The following MSR1 variants were observed in gnomAD, a reference collection of about 807,000 sequenced individuals.
The protein encoded by MSR1 is macrophage scavenger receptor types I and II.
A neutral mutation model predicts 47.2 loss-of-function variants in MSR1; 53 were observed. The ratio of observed to expected loss-of-function variants is 1.12; its 90% CI spans 0.90 to 1.41. MSR1 has a LOEUF of 1.41. MSR1 is among the 40% of genes most tolerant of loss of function. MSR1 has a pLI of 0.00. For synonymous variants in MSR1, 239 were observed against 185.6 expected, an observed-to-expected ratio of 1.29 and a Z score of -2.34; for missense variants, 786 against 546.9, an observed-to-expected ratio of 1.44 and a Z score of -4.36.
intron 8 of MSR1, among the ~76,000 whole-genome samples, chr8:16,132,286 G>T (rs904075822): frequency 2.0e-5 from 3 of 151,912 alleles, no homozygotes; most frequent in Non-Finnish European, 4.4e-5. Context: ...TTGGCTCTCA[G>T]CTTGACTGTT....
At chr8:16,113,111 A>G in intron 9 of MSR1, among the ~76,000 whole-genome samples, 1 of 151,248 alleles carries the variant, frequency 6.6e-6, no homozygotes. Context: ...CACCACGCCC[A>G]GTTAATTTTT....
chr8:16,178,819 T>C (rs967216206), intron 1 of MSR1, among the ~76,000 whole-genome samples: 5 of 152,164 alleles, frequency 3.3e-5, no homozygotes, highest in Admixed American at 1.3e-4. Context: ...AGATGGTATC[T>C]CATTGTGGTT....
Position 16,155,129 on chromosome 8 carries a change from G to C in MSR1, c.833C>G (p.Pro278Arg), listed in dbSNP as rs764485699. 2.5e-6 allele frequency: 4 copies of C among 1,610,980 alleles called. No homozygotes were observed. The African/African-American group carries it at 5.3e-5, about 22-fold the overall frequency. ...ITLIQGPPGP[P>R]GEKGDRGPTG... ...GGGACCTCGATCTCCTTTTTCACCC[G>C]GGGGTCCAGGAGGACCTTTAAAAAA... is the stretch of plus-strand genomic sequence containing the variant. Residue 278 changes from proline (P) to arginine (R), a missense_variant, in exon 6 of 10, where the codon CCG (proline) becomes CGG (arginine). Pro to Arg is a moderately radical substitution (Grantham distance 103). Transcript: ENST00000262101.
At chr8:16,114,872 G>A (rs1317509727) in intron 9 of MSR1, among the ~76,000 whole-genome samples, 2 of 152,140 alleles carry the variant, frequency 1.3e-5, no homozygotes, top group East Asian at 1.9e-4. Context: ...ATTATAAAAA[G>A]AGGGTTCATT....
At chr8:16,167,759 A>G (rs1336649388) in intron 4 of MSR1, among the ~76,000 whole-genome samples, 2 of 152,176 alleles carry the variant, frequency 1.3e-5, no homozygotes, top group Admixed American at 6.6e-5. Flanking sequence ...TATCCTGATA[A>G]CTAACATTTT....
At chr8:16,163,853 C>G (rs568235545) in intron 5 of MSR1, among the ~76,000 whole-genome samples, 2 of 151,876 alleles carry the variant, frequency 1.3e-5, no homozygotes, top group Admixed American at 6.6e-5. Flanking sequence ...ATATATTTTG[C>G]TTTTCCCTTT....
chr8:16,140,475 T>C (rs978109520), intron 8 of MSR1: 10 of 989,370 alleles, frequency 1.0e-5, no homozygotes, highest in Non-Finnish European at 1.2e-5. Flanking sequence ...TGTAGTCTCA[T>C]TGCGCATGAG....
intron 9 of MSR1, among the ~76,000 whole-genome samples, chr8:16,119,258 G>A (rs569333058): frequency 3.9e-5 from 6 of 151,968 alleles, no homozygotes; most frequent in African/African-American, 1.2e-4. Flanking sequence ...TTTTTTAGAC[G>A]GAATCTCACT....
intron 1 of MSR1, among the ~76,000 whole-genome samples, chr8:16,189,298 TTTC>T (rs1802098109): frequency 7.5e-6 from 1 of 132,860 alleles, no homozygotes; most frequent in African/African-American, 2.8e-5. Context: ...CTTATTTACA[TTTC>T]ATATATATAT....
At chr8:16,137,890 G>A (rs1220598863) in intron 8 of MSR1, among the ~76,000 whole-genome samples, 1 of 151,832 alleles carries the variant, frequency 6.6e-6, no homozygotes, top group Non-Finnish European at 1.5e-5. Flanking sequence ...TACTCAGGAG[G>A]CTGAGGTGGG....
At chr8:16,118,928 A>G (rs1799937064) in intron 9 of MSR1, among the ~76,000 whole-genome samples, 1 of 152,212 alleles carries the variant, frequency 6.6e-6, no homozygotes, top group South Asian at 2.1e-4. Flanking sequence ...TAGGTGCAAG[A>G]ATGATTTCAA....
At chr8:16,129,897 A>G (rs1800216307) in intron 8 of MSR1, among the ~76,000 whole-genome samples, 1 of 152,158 alleles carries the variant, frequency 6.6e-6, no homozygotes, top group Non-Finnish European at 1.5e-5. Context: ...ATCAGGCTAA[A>G]TTTCTTACTG....
intron 6 of MSR1, among the ~76,000 whole-genome samples, chr8:16,154,577 T>C (rs1038796166): frequency 1.3e-5 from 2 of 151,972 alleles, no homozygotes; most frequent in Non-Finnish European, 2.9e-5. Flanking sequence ...CCAAATACTA[T>C]ATAAGAAATA....
chr8:16,134,554 A>G (rs1029407368), intron 8 of MSR1, among the ~76,000 whole-genome samples: 2 of 152,030 alleles, frequency 1.3e-5, no homozygotes, highest in African/African-American at 2.4e-5. Flanking sequence ...TCCTCTCCTC[A>G]GGCATCCCTA....
At chr8:16,174,648 G>C (rs1801587178) in intron 3 of MSR1, among the ~76,000 whole-genome samples, 1 of 152,130 alleles carries the variant, frequency 6.6e-6, no homozygotes, top group African/African-American at 2.4e-5. Context: ...TATGAAAAAT[G>C]TGGTCATATA....
At chr8:16,150,888 G>GCACACA (rs754386463) in intron 6 of MSR1, among the ~76,000 whole-genome samples, 8,712 of 115,716 alleles carry the variant, frequency 0.075, 424 homozygotes, top group East Asian at 0.29. Context: ...ACACACACAT[G>GCACACA]CGATACACAG....
In MSR1 at chr8:16,164,182, C is replaced by G. The variant is rs753392220; in HGVS notation, c.700G>C (p.Val234Leu). ...AEIMAMKEEQ[V>L]HLEQEIKGEV... ...CCTTTTATTTCCTGTTCCAAATGCA[C>G]TTGTTCTTCTTTCATAGCCATAATT... The change falls in exon 5 of 10, where the codon GTG becomes CTG. Residue 234 changes from valine to leucine, a missense_variant. Transcript: ENST00000262101. The G allele has an allele frequency of 1.2e-6, 2 of 1,612,142 alleles. No individual in the cohort carries two copies. The highest frequency in any genetic ancestry group is 2.2e-5 in the South Asian group (2 of 91,038).
At chr8:16,149,368 A>G (rs1432362802) in intron 7 of MSR1, among the ~76,000 whole-genome samples, 3 of 152,020 alleles carry the variant, frequency 2.0e-5, no homozygotes, top group East Asian at 1.9e-4. Context: ...AAATACCTCA[A>G]TGATAGGGAC....
Position 16,109,823 on chromosome 8 carries a change from T to C in MSR1, c.*262A>G, listed in dbSNP as rs898304506. On this transcript the variant is annotated 3_prime_UTR_variant, in exon 10 of 10. Transcript: ENST00000262101. ...CTTGGCCTTTGTAATCTGGAAGCTATAAACTTCAAAATGTTCAATTCAGCA... is the reference window on the plus strand; with the variant it reads ...CTTGGCCTTTGTAATCTGGAAGCTACAAACTTCAAAATGTTCAATTCAGCA... 8.7e-6 allele frequency: 4 copies of C among 462,094 alleles called. No homozygotes were observed. The highest frequency in any genetic ancestry group is 1.5e-5 in the Non-Finnish European group (4 of 259,036). 28.6% of individuals were successfully genotyped at this position (462,094 alleles called of 1,614,324 possible).
Sources: gnomAD v4.1 joint callset for allele counts (sites outside exome capture counted in the v4.1 genomes callset) on GRCh38, gnomAD v4.1.1 for gene constraint, MANE v1.5 for transcripts, NCBI Gene and HGNC (gene_info 2026-07-23, HGNC 2026-07-21) for gene names.